The following COPG2 variants were observed in gnomAD, a reference collection of about 807,000 sequenced individuals.
COPG2 encodes coatomer subunit gamma-2.
Under a neutral mutation model 46.3 loss-of-function variants are expected in COPG2, and 37 were observed. The observed-to-expected ratio is 0.80, with a 90% CI of 0.61 to 1.05. The LOEUF is 1.05. Ranked by LOEUF, COPG2 falls within the 50% of genes least tolerant of loss-of-function variation. The probability of loss-of-function intolerance (pLI) is 0.00; values close to 1 mark genes in which losing one functional copy is unlikely to be tolerated. For synonymous variants in COPG2, 159 were observed against 129.7 expected (o/e 1.23, Z -1.53); for missense variants, 427 against 387.8 (o/e 1.10, Z -0.85).
At chr7:130,664,313 G>T (rs1584621107) in intron 3 of COPG2, among the ~76,000 whole-genome samples, 1 of 152,112 alleles carries the variant, frequency 6.6e-6, no homozygotes, top group African/African-American at 2.4e-5. Flanking sequence ...GAAAAATACT[G>T]ACAGTTTAGG....
At chr7:130,548,631 A>AC (rs1793483083) in intron 18 of COPG2, 89 bp from the exon 19 acceptor site, 110 of 394,286 alleles carry the variant, frequency 2.8e-4, no homozygotes, top group Non-Finnish European at 3.4e-4. Flanking sequence ...GGCCAGGAGC[A>AC]GTGGCTCACG....
intron 20 of COPG2, among the ~76,000 whole-genome samples, chr7:130,534,538 A>G (rs1799860502): frequency 6.6e-6 from 1 of 152,214 alleles, no homozygotes. Flanking sequence ...CTAGTGGAGC[A>G]TCATAGGATT....
intron 12 of COPG2, among the ~76,000 whole-genome samples, chr7:130,556,366 T>C (rs1354617054): frequency 6.6e-6 from 1 of 152,122 alleles, no homozygotes; most frequent in Admixed American, 6.6e-5. Context: ...AGAAAGGGAA[T>C]ACAGTTATGG....
intron 9 of COPG2, among the ~76,000 whole-genome samples, chr7:130,583,120 G>A (rs534146182): frequency 0.012 from 1,816 of 151,236 alleles, 61 homozygotes; most frequent in African/African-American, 0.041. Context: ...ATGATAGACC[G>A]GATTAAGAAA....
rs184372320 is a variant in COPG2, at chr7:130,586,164, A to T, written c.738-21771T>A. On this transcript the variant is annotated intron_variant, in intron 9 of 23. Coordinates refer to ENST00000425248, the MANE Select transcript of COPG2 (RefSeq NM_012133.6). ...AAAAAGGAATGAATTAATGGCACTC[A>T]CAACAACCTGGATGAGATTGGAGAC... is the stretch of plus-strand genomic sequence containing the variant. Among the ~76,000 whole-genome samples the T allele has an allele frequency of 2.0e-5, 3 of 152,228 alleles. No homozygotes were observed. In the East Asian group the frequency reaches 5.8e-4, roughly 29 times the overall value.
At chr7:130,514,273 T>C (rs1799656984) in intron 20 of COPG2, among the ~76,000 whole-genome samples, 1 of 152,192 alleles carries the variant, frequency 6.6e-6, no homozygotes, top group Non-Finnish European at 1.5e-5. Flanking sequence ...TTTGAGTAGT[T>C]TGTAGAATGG....
intron 9 of COPG2, among the ~76,000 whole-genome samples, chr7:130,576,615 A>G (rs1794002790): frequency 6.6e-6 from 1 of 152,214 alleles, no homozygotes; most frequent in African/African-American, 2.4e-5. Flanking sequence ...AAAAGTTCAA[A>G]AGCTCAAAAA....
intron 9 of COPG2, among the ~76,000 whole-genome samples, chr7:130,604,457 G>A (rs1173793257): frequency 6.6e-6 from 1 of 152,016 alleles, no homozygotes; most frequent in Non-Finnish European, 1.5e-5. Flanking sequence ...ATTATAAATT[G>A]TACCATTTTT....
At chr7:130,509,519 A>G (rs544964185) in intron 20 of COPG2, 2 of 387,450 alleles carry the variant, frequency 5.2e-6, no homozygotes, top group South Asian at 1.9e-5. Flanking sequence ...AGGAAAGAAC[A>G]GGCTCAGATG....
intron 20 of COPG2, among the ~76,000 whole-genome samples, chr7:130,539,695 G>A (rs1163654648): frequency 6.6e-6 from 1 of 152,182 alleles, no homozygotes; most frequent in Non-Finnish European, 1.5e-5. Flanking sequence ...GGGACGATGA[G>A]GCAGCGCCAA....
At chr7:130,610,778 G>C in intron 9 of COPG2, 175 bp downstream of exon 9, 1 of 708,862 alleles carries the variant, frequency 1.4e-6, no homozygotes. Context: ...AGAGCATACA[G>C]TAAGGTTAAA....
At chr7:130,539,314 T>C (rs1799913970) in intron 20 of COPG2, among the ~76,000 whole-genome samples, 1 of 151,950 alleles carries the variant, frequency 6.6e-6, no homozygotes, top group Non-Finnish European at 1.5e-5. Context: ...CTGTAGAGTT[T>C]TGTAGGAACT....
chr7:130,566,534 TGA>T (rs1793805857), intron 9 of COPG2, among the ~76,000 whole-genome samples: 1 of 152,174 alleles, frequency 6.6e-6, no homozygotes, highest in African/African-American at 2.4e-5. Context: ...AAAGAAAGAC[TGA>T]GAGAGAGTTG....
At chr7:130,563,390 T>A (rs1793749176) in intron 10 of COPG2, 54 bp from the exon 11 acceptor site, 1 of 394,016 alleles carries the variant, frequency 2.5e-6, no homozygotes, top group Admixed American at 4.4e-5. Flanking sequence ...TACATATACA[T>A]ACCGTGAATA....
chr7:130,610,077 T>C, intron 9 of COPG2: 1 of 518,624 alleles, frequency 1.9e-6, no homozygotes, highest in Non-Finnish European at 3.9e-6. Flanking sequence ...CTACTGACTA[T>C]TTTTTTCCCT....
chr7:130,565,291 T>C (rs995498527), intron 9 of COPG2, among the ~76,000 whole-genome samples: 9 of 152,230 alleles, frequency 5.9e-5, no homozygotes, highest in Non-Finnish European at 1.3e-4. Context: ...GGAGACATAC[T>C]GGTTTAAAGC....
chr7:130,523,723 A>C (rs1799747734), intron 20 of COPG2, among the ~76,000 whole-genome samples: 1 of 152,194 alleles, frequency 6.6e-6, no homozygotes, highest in African/African-American at 2.4e-5. Context: ...CCAGTGACTC[A>C]GAGGAAGTGG....
At chr7:130,601,650 C>T (rs1019296913) in intron 9 of COPG2, among the ~76,000 whole-genome samples, 2 of 152,084 alleles carry the variant, frequency 1.3e-5, no homozygotes, top group Admixed American at 6.6e-5. Context: ...GAACATCACA[C>T]ACCGGGGCCT....
intron 21 of COPG2, 191 bp downstream of exon 21, chr7:130,508,371 T>C (rs2116324618): frequency 2.1e-6 from 1 of 478,050 alleles, no homozygotes; most frequent in Non-Finnish European, 3.7e-6. Context: ...TAAATCTCAA[T>C]TCTCTCTGGC....
Sources: allele counts gnomAD v4.1 joint callset (sites outside exome capture counted in the v4.1 genomes callset), GRCh38; gene constraint gnomAD v4.1.1; transcripts MANE v1.5; gene names NCBI Gene and HGNC (gene_info 2026-07-23, HGNC 2026-07-21).